Variants in ZZZ3 observed in about 807,000 individuals in gnomAD.
The protein encoded by ZZZ3 is ZZ-type zinc finger-containing protein 3.
In ZZZ3, 22 loss-of-function variants were observed where a neutral mutation model predicts 95.2. The ratio of observed to expected loss-of-function variants is 0.23; its 90% confidence interval spans 0.17 to 0.33. The LOEUF is 0.33. ZZZ3 is among the 10% of genes least tolerant of loss of function. The probability of loss-of-function intolerance (pLI) is 1.00; values close to 1 mark genes in which losing one functional copy is unlikely to be tolerated. For synonymous variants in ZZZ3, 335 were observed against 358.9 expected (o/e 0.93, Z 0.75); for missense variants, 885 against 1,066.5 (o/e 0.83, Z 2.37).
At chr1:77,625,614 GA>G (rs1420792518) in intron 5 of ZZZ3, among the ~76,000 whole-genome samples, 3 of 151,794 alleles carry the variant, frequency 2.0e-5, no homozygotes, top group African/African-American at 7.3e-5. Context: ...TTTATCACAG[GA>G]AAAAAACAGA....
chr1:77,675,832 T>C (rs573886973), intron 1 of ZZZ3, among the ~76,000 whole-genome samples: 3 of 152,200 alleles, frequency 2.0e-5, no homozygotes, highest in South Asian at 2.1e-4. Flanking sequence ...AAAGGCATCA[T>C]AGTAAACAGT....
At chr1:77,585,005 GGAGGAAT>G in intron 5 of ZZZ3, 1 of 155,958 alleles carries the variant, frequency 6.4e-6, no homozygotes, top group Non-Finnish European at 1.4e-5. Context: ...CTTAATACTA[GGAGGAAT>G]CACTCAATTC....
At chr1:77,676,689 A>T (rs1237655900) in intron 1 of ZZZ3, among the ~76,000 whole-genome samples, 1 of 152,252 alleles carries the variant, frequency 6.6e-6, no homozygotes, top group Non-Finnish European at 1.5e-5. Flanking sequence ...TAAGAAAGCC[A>T]AGGCAAAAGA....
At chr1:77,682,194 T>C (rs1161557717) in intron 1 of ZZZ3, among the ~76,000 whole-genome samples, 1 of 152,126 alleles carries the variant, frequency 6.6e-6, no homozygotes, top group Non-Finnish European at 1.5e-5. Context: ...AGGAGTTCTG[T>C]TTCAGGAGAC....
At chr1:77,568,534 T>G in intron 12 of ZZZ3, 68 bp from the exon 13 acceptor site, 1 of 783,584 alleles carries the variant, frequency 1.3e-6, no homozygotes, top group Non-Finnish European at 1.9e-6. Context: ...TAAGTAATAC[T>G]GATACAGAAT....
Position 77,633,227 on chromosome 1 carries a change from G to C in ZZZ3, c.128C>G (p.Ser43Cys). 1 of 1,614,030 alleles carries C rather than the reference G, an allele frequency of 6.2e-7. No homozygotes were observed. The highest frequency in any genetic ancestry group is 8.5e-7 in the Non-Finnish European group (1 of 1,179,958). ...IAHPEEISSN[S>C]QVRSRSPKKR... ...CTTTGGTGATCTTGATCGTACTTGA[G>C]AATTAGAAGAGATTTCTTCAGGATG... is the stretch of plus-strand genomic sequence containing the variant. The change falls in exon 5 of 15, where the codon TCT becomes TGT. Residue 43 changes from serine to cysteine, a missense_variant. Transcript: ENST00000370801.
chr1:77,620,373 T>C (rs773002762), intron 5 of ZZZ3, among the ~76,000 whole-genome samples: 1 of 150,332 alleles, frequency 6.7e-6, no homozygotes, highest in Admixed American at 6.6e-5. Context: ...AGTATAAGAA[T>C]TCATTGGCAA....
At chr1:77,616,791 C>T (rs1402283690) in intron 5 of ZZZ3, among the ~76,000 whole-genome samples, 1 of 152,068 alleles carries the variant, frequency 6.6e-6, no homozygotes, top group Non-Finnish European at 1.5e-5. Flanking sequence ...CGCTGGAACC[C>T]AGGAGGCGGA....
chr1:77,606,554 C>T (rs1665254199), intron 5 of ZZZ3, among the ~76,000 whole-genome samples: 2 of 152,172 alleles, frequency 1.3e-5, no homozygotes, highest in African/African-American at 4.8e-5. Context: ...GTGCTGCCTT[C>T]AAGTCTAACC....
chr1:77,566,940 A>G (rs1660888120), intron 13 of ZZZ3, among the ~76,000 whole-genome samples: 1 of 152,226 alleles, frequency 6.6e-6, no homozygotes, highest in African/African-American at 2.4e-5. Flanking sequence ...TGGGTTTTGC[A>G]GCAAAATTAG....
chr1:77,582,115 C>A lies in ZZZ3; in HGVS notation c.1656G>T (p.Gly552=). 1.2e-6 allele frequency: 2 copies of A among 1,603,176 alleles called. No homozygotes were observed. Among genetic ancestry groups the A allele is most frequent in the Admixed American group, 1.7e-5 (1 of 58,408 alleles). ...GAACAACTCTCTGTGGATATGGAAG[C>A]CCAATATCAGCCTGGAGGCAGGGGA... ...VEKLQKKADI[G]LPYPQRVVQL... The change falls in exon 7 of 15, where the codon GGG becomes GGT. Residue 552 remains glycine, a synonymous_variant. Transcript: ENST00000370801.
chr1:77,575,015 C>T (rs1008886622), intron 12 of ZZZ3, among the ~76,000 whole-genome samples: 2 of 152,128 alleles, frequency 1.3e-5, no homozygotes, highest in African/African-American at 4.8e-5. Context: ...GAACCCCCGC[C>T]TCTACTGAAA....
chr1:77,639,382 CA>C (rs368871384), intron 4 of ZZZ3, 66 bp downstream of exon 4: 103,538 of 926,384 alleles, frequency 0.11, no homozygotes, highest in South Asian at 0.15. Context: ...CTCCCCATCT[CA>C]AAAAAAAAAA....
chr1:77,669,740 G>A (rs996638403), intron 1 of ZZZ3, among the ~76,000 whole-genome samples: 4 of 152,008 alleles, frequency 2.6e-5, no homozygotes, highest in African/African-American at 7.2e-5. Context: ...TTACAGGCGT[G>A]AGCCACTGCG....
At chr1:77,613,663 T>C (rs1345666562) in intron 5 of ZZZ3, among the ~76,000 whole-genome samples, 2 of 152,068 alleles carry the variant, frequency 1.3e-5, no homozygotes, top group Non-Finnish European at 1.5e-5. Context: ...TATCCATTTA[T>C]TAGAATAAAA....
At chr1:77,652,996 G>T (rs1210540296) in intron 1 of ZZZ3, among the ~76,000 whole-genome samples, 1 of 152,052 alleles carries the variant, frequency 6.6e-6, no homozygotes, top group Admixed American at 6.6e-5. Flanking sequence ...AGACCATCTT[G>T]GGCAACATGG....
At chr1:77,574,107 T>C (rs1661680184) in intron 12 of ZZZ3, among the ~76,000 whole-genome samples, 1 of 148,390 alleles carries the variant, frequency 6.7e-6, no homozygotes, top group South Asian at 2.1e-4. Context: ...TATATATCTA[T>C]AGATATAGAT....
chr1:77,658,853 T>C (rs1376183981), intron 1 of ZZZ3, among the ~76,000 whole-genome samples: 1 of 152,238 alleles, frequency 6.6e-6, no homozygotes, highest in Non-Finnish European at 1.5e-5. Context: ...GGTCACAGCA[T>C]ATAAATGTTT....
At chr1:77,644,548 C>T (rs188552862) in intron 1 of ZZZ3, among the ~76,000 whole-genome samples, 3 of 152,244 alleles carry the variant, frequency 2.0e-5, no homozygotes, top group South Asian at 4.1e-4. Flanking sequence ...AATAGAAAGA[C>T]AATAGGAAGA....
Sources: allele counts gnomAD v4.1 joint callset (sites outside exome capture counted in the v4.1 genomes callset), GRCh38; gene constraint gnomAD v4.1.1; transcripts MANE v1.5; gene names NCBI Gene and HGNC (gene_info 2026-07-23, HGNC 2026-07-21).